The following ANKFN1 variants were observed in gnomAD, a reference collection of about 807,000 sequenced individuals.
ANKFN1 encodes ankyrin repeat and fibronectin type-III domain-containing protein 1.
A neutral mutation model predicts 108.7 loss-of-function variants in ANKFN1; 74 were observed. The observed-to-expected ratio is 0.68, with a 90% CI of 0.56 to 0.83. ANKFN1 has a LOEUF of 0.83. Ranked by LOEUF, ANKFN1 falls within the 40% of genes least tolerant of loss-of-function variation. The pLI is 0.00. For synonymous variants in ANKFN1, 547 were observed against 516.2 expected (o/e 1.06, Z -0.81); for missense variants, 1,505 against 1,382.3 (o/e 1.09, Z -1.41).
chr17:56,082,865 T>A (rs1567783361), intron 4 of ANKFN1, among the ~76,000 whole-genome samples: 1 of 141,360 alleles, frequency 7.1e-6, no homozygotes, highest in African/African-American at 2.6e-5. Flanking sequence ...CCCAGTGAGC[T>A]CTCCAGGGTT....
At chr17:56,491,066 G>A (rs940597532) in intron 18 of ANKFN1, among the ~76,000 whole-genome samples, 5 of 152,272 alleles carry the variant, frequency 3.3e-5, no homozygotes, top group African/African-American at 1.2e-4. Flanking sequence ...TTTTGAGGTA[G>A]TGTGGTTTTA....
intron 8 of ANKFN1, among the ~76,000 whole-genome samples, chr17:56,381,398 C>T (rs4793815): frequency 0.58 from 88,351 of 152,104 alleles, 28,871 homozygotes; most frequent in East Asian, 0.96. Context: ...CTCCAAAGAA[C>T]GCAGTTCCTC....
At chr17:56,074,071 A>G (rs1482528978) in intron 4 of ANKFN1, among the ~76,000 whole-genome samples, 1 of 152,324 alleles carries the variant, frequency 6.6e-6, no homozygotes, top group East Asian at 1.9e-4. Context: ...AGGAACTGTC[A>G]AACTATTTTC....
intron 8 of ANKFN1, among the ~76,000 whole-genome samples, chr17:56,388,160 A>G (rs1356726731): frequency 6.8e-6 from 1 of 146,008 alleles, no homozygotes; most frequent in African/African-American, 2.5e-5. Context: ...TTTTTTTGAG[A>G]TGGAGTCTCA....
chr17:56,299,113 GGA>G (rs767317893), intron 3 of ANKFN1, among the ~76,000 whole-genome samples: 3 of 152,156 alleles, frequency 2.0e-5, no homozygotes, highest in African/African-American at 4.8e-5. Flanking sequence ...ACCCAAATGA[GGA>G]AATAACAGAT....
At chr17:56,089,266 C>T (rs188432479) in intron 4 of ANKFN1, among the ~76,000 whole-genome samples, 1 of 151,240 alleles carries the variant, frequency 6.6e-6, no homozygotes, top group Non-Finnish European at 1.5e-5. Context: ...CTGCATAATA[C>T]TCCATCATAC....
rs2051931717 is a variant in ANKFN1, at chr17:56,516,886, G to T, written c.*5617G>T. On this transcript the variant is annotated 3_prime_UTR_variant, in exon 21 of 21. Coordinates refer to ENST00000682825, the MANE Select transcript of ANKFN1 (RefSeq NM_001370326.1). ...CTTACCTAATATTGTTGATATCTAA[G>T]TCAAGCATGAAGTCAAAAAATATTT... is the stretch of plus-strand genomic sequence containing the variant. 6.6e-6 allele frequency among the ~76,000 whole-genome samples: 1 copy of T among 152,072 alleles called. No individual in the cohort carries two copies. The highest frequency in any genetic ancestry group is 2.4e-5 in the African/African-American group (1 of 41,404).
At chr17:56,383,951 A>T (rs996299794) in intron 8 of ANKFN1, among the ~76,000 whole-genome samples, 1 of 152,234 alleles carries the variant, frequency 6.6e-6, no homozygotes, top group African/African-American at 2.4e-5. Flanking sequence ...CAATAGAAAA[A>T]GAGGGAATCC....
upstream of ANKFN1, among the ~76,000 whole-genome samples, chr17:56,152,510 G>A (rs1598146892): frequency 6.6e-6 from 1 of 152,042 alleles, no homozygotes; most frequent in East Asian, 1.9e-4. Flanking sequence ...ATGATCAAGG[G>A]TAATGGGGCT....
chr17:56,143,574 A>G (rs9783817), intron 4 of ANKFN1, among the ~76,000 whole-genome samples: 3,548 of 152,272 alleles, frequency 0.023, 126 homozygotes, highest in African/African-American at 0.081. Flanking sequence ...GTGTTCTCTC[A>G]AAAGATATAT....
At chr17:56,228,319 C>T (rs182943881) in intron 3 of ANKFN1, 149 of 213,662 alleles carry the variant, frequency 7.0e-4, no homozygotes, top group African/African-American at 3.2e-3. Context: ...TGCTCCTCAC[C>T]GTGTGGTCAC....
Position 56,516,304 on chromosome 17 carries a change from G to A in ANKFN1, c.*5035G>A, listed in dbSNP as rs966186451. Among the ~76,000 whole-genome samples the A allele has an allele frequency of 1.3e-5, 2 of 151,928 alleles. No homozygotes were observed. The highest frequency in any genetic ancestry group is 4.8e-5 in the African/African-American group (2 of 41,334). ...TGTGCGTGTGTGGTGGTGTCAGAGA[G>A]ATGTTTCATAGAAAAAGTAATTTAA... is the stretch of plus-strand genomic sequence containing the variant. On this transcript the variant is annotated 3_prime_UTR_variant, in exon 21 of 21. Coordinates refer to ENST00000682825, the MANE Select transcript of ANKFN1 (RefSeq NM_001370326.1).
intron 3 of ANKFN1, among the ~76,000 whole-genome samples, chr17:56,316,839 C>G (rs746489274): frequency 6.6e-6 from 1 of 152,156 alleles, no homozygotes; most frequent in African/African-American, 2.4e-5. Context: ...ATACTGTAAG[C>G]ATTTAAAAAG....
Position 56,086,843 on chromosome 17 carries a change from A to C in ANKFN1, c.288+40518A>C. ...AAAAATGATTAATAAAAAGGATAAC[A>C]ATAAGTATCATTTCTTGAACTCCAA... On this transcript the variant is annotated intron_variant, in intron 4 of 12. Transcript: ENST00000635860. Among the ~76,000 whole-genome samples, 2 of 151,428 alleles carry C rather than the reference A, an allele frequency of 1.3e-5. 1 individual carries two copies. The highest frequency in any genetic ancestry group is 3.0e-5 in the Non-Finnish European group (2 of 67,754).
At position 56,160,954 on chromosome 17, in the gene ANKFN1, T is replaced by G. The variant is rs1598159277; in HGVS notation, c.-71+7424T>G. On this transcript the variant is annotated intron_variant, in intron 1 of 20. Coordinates refer to ENST00000682825, the MANE Select transcript of ANKFN1 (RefSeq NM_001370326.1). ...TGCTGTTGAACCTTGGGGTGTGAAGTTGTTCTGTTTTGATAACTATTTTGA... is the reference window on the plus strand; with the variant it reads ...TGCTGTTGAACCTTGGGGTGTGAAGGTGTTCTGTTTTGATAACTATTTTGA... Among the ~76,000 whole-genome samples, 4 of 152,330 alleles carry G rather than the reference T, an allele frequency of 2.6e-5. No homozygotes were observed. The East Asian group carries it at 7.7e-4, about 29-fold the overall frequency.
chr17:56,341,361 G>A (rs879828748), intron 4 of ANKFN1, among the ~76,000 whole-genome samples: 6 of 152,240 alleles, frequency 3.9e-5, no homozygotes, highest in Non-Finnish European at 7.4e-5. Context: ...AGTAGTGGGA[G>A]AGGACATCCT....
At chr17:56,199,839 A>T (rs187997041) in intron 1 of ANKFN1, among the ~76,000 whole-genome samples, 3 of 152,320 alleles carry the variant, frequency 2.0e-5, no homozygotes, top group Admixed American at 2.0e-4. Context: ...TCTGAAATTT[A>T]GATTTCACTG....
chr17:56,150,096 A>G (rs1295656397), upstream of ANKFN1, among the ~76,000 whole-genome samples: 1 of 152,140 alleles, frequency 6.6e-6, no homozygotes. Flanking sequence ...TTTGGCCTGA[A>G]TTATTGACAA....
chr17:56,232,001 G>T (rs1423966330), intron 3 of ANKFN1, among the ~76,000 whole-genome samples: 1 of 151,802 alleles, frequency 6.6e-6, no homozygotes, highest in African/African-American at 2.4e-5. Flanking sequence ...ACTTTCTTTC[G>T]CTAACCTGAG....
Sources: allele counts gnomAD v4.1 joint callset (sites outside exome capture counted in the v4.1 genomes callset), GRCh38; gene constraint gnomAD v4.1.1; transcripts MANE v1.5; gene names NCBI Gene and HGNC (gene_info 2026-07-23, HGNC 2026-07-21).